TMEM132A: variants seen among roughly 807,000 people sequenced by gnomAD.
The protein encoded by TMEM132A is transmembrane protein 132A, also known as GRP78-binding protein.
Under a neutral mutation model 69.9 loss-of-function variants are expected in TMEM132A, and 48 were observed. The observed-to-expected ratio is 0.69, with a 90% CI of 0.55 to 0.87. The LOEUF (loss-of-function observed/expected upper bound fraction) is 0.87. Ranked by LOEUF, TMEM132A falls within the 40% of genes least tolerant of loss-of-function variation. TMEM132A has a pLI of 0.00. For missense variants in TMEM132A, 1,287 were observed against 1,407.2 expected (o/e 0.91, Z 1.37); for synonymous variants, 577 against 613.7 (o/e 0.94, Z 0.88).
At chr11:60,925,059 C>A (rs547522861) in intron 1 of TMEM132A, 39 of 280,334 alleles carry the variant, frequency 1.4e-4, no homozygotes, top group Non-Finnish European at 2.2e-4. Flanking sequence ...GGCGCACTAG[C>A]GTCATCCCCA....
chr11:60,935,947 G>C lies in TMEM132A; in HGVS notation c.2112G>C (p.Leu704=), dbSNP rs923993461. 4 of 1,611,866 alleles carry C rather than the reference G, an allele frequency of 2.5e-6. No individual in the cohort carries two copies. Among genetic ancestry groups the C allele is most frequent in the Non-Finnish European group, 3.4e-6 (4 of 1,179,978 alleles). Residue 704 remains leucine (L), a synonymous_variant, in exon 11 of 11, where the codon CTG becomes CTC. Coordinates refer to ENST00000453848, the MANE Select transcript of TMEM132A (RefSeq NM_178031.3). The surrounding 1 kb of genome is among the most constrained non-coding windows in gnomAD (Gnocchi z 5.0). The stretch of plus-strand genomic sequence containing the variant: ...TCTACGACCGCCGTGACCTGGGACT[G>C]TCCGTCTCAGCCGAGGAGCCTGGTG... ...AELYDRRDLG[L]SVSAEEPGAI... is the part of the protein sequence containing the mutation.
chr11:60,934,304 G>T, intron 8 of TMEM132A, 184 bp from the exon 9 acceptor site: 1 of 493,870 alleles, frequency 2.0e-6, no homozygotes, highest in Non-Finnish European at 3.3e-6. Context: ...GGAGTGGGCT[G>T]GGGCGGCTCG....
chr11:60,933,592 C>T lies in TMEM132A; in HGVS notation c.1407C>T (p.Gly469=), dbSNP rs757780521. The T allele has an allele frequency of 1.3e-5, 21 of 1,607,496 alleles. No homozygotes were observed. The East Asian group carries it at 1.8e-4, about 14-fold the overall frequency. ...AVFVAGKESR[G]ARGVRVDFWW... is the part of the protein sequence containing the mutation. Reference sequence around the variant, plus strand: ...TCGTGGCTGGCAAGGAGAGCCGGGGCGCCCGGGGGGTGCGAGTGGACTTCT... The same window carrying T: ...TCGTGGCTGGCAAGGAGAGCCGGGGTGCCCGGGGGGTGCGAGTGGACTTCT... The change falls in exon 8 of 11, where the codon GGC becomes GGT. Residue 469 remains glycine, a synonymous_variant. Coordinates refer to ENST00000453848, the MANE Select transcript of TMEM132A (RefSeq NM_178031.3).
At chr11:60,924,992 G>A (rs1856318381) in intron 1 of TMEM132A, among the ~76,000 whole-genome samples, 1 of 152,060 alleles carries the variant, frequency 6.6e-6, no homozygotes, top group Non-Finnish European at 1.5e-5. Flanking sequence ...TCCCCGTCCC[G>A]CACCTTCTGC....
At chr11:60,927,537 A>G (rs1856373402) in intron 2 of TMEM132A, 104 bp from the exon 3 acceptor site, 4 of 1,405,850 alleles carry the variant, frequency 2.8e-6, no homozygotes, top group African/African-American at 1.4e-5. Flanking sequence ...AGAGGGGGAA[A>G]CTGAGGCCCA....
chr11:60,930,559 C>T lies in TMEM132A; in HGVS notation c.916C>T (p.Pro306Ser), dbSNP rs761442358. The stretch of plus-strand genomic sequence containing the variant: ...TGTGACAGCCGCCCGCCCAGCCCAG[C>T]CCACACTCTGGACTGCCAAGCTGGA... ...LHVTAARPAQ[P>S]TLWTAKLDRF... is the part of the protein sequence containing the mutation. Residue 306 changes from proline to serine, a missense_variant, in exon 5 of 11, where the codon CCC becomes TCC. Coordinates refer to ENST00000453848, the MANE Select transcript of TMEM132A (RefSeq NM_178031.3). 18 of 1,612,834 alleles carry T rather than the reference C, an allele frequency of 1.1e-5. No individual in the cohort carries two copies. Among genetic ancestry groups the T allele is most frequent in the Non-Finnish European group, 1.5e-5 (18 of 1,179,592 alleles).
chr11:60,934,337 C>A, intron 8 of TMEM132A, 151 bp from the exon 9 acceptor site: 1 of 711,514 alleles, frequency 1.4e-6, no homozygotes, highest in Non-Finnish European at 2.0e-6. Flanking sequence ...AGGGCCTGAC[C>A]CCAAGAGGGG....
chr11:60,930,208 A>T (rs1856445669), intron 4 of TMEM132A, among the ~76,000 whole-genome samples: 1 of 152,178 alleles, frequency 6.6e-6, no homozygotes, highest in South Asian at 2.1e-4. Context: ...TGAAGCAGAG[A>T]GTGCATGGAG....
chr11:60,930,957 C>A (rs1390148507), intron 5 of TMEM132A, among the ~76,000 whole-genome samples: 2 of 152,178 alleles, frequency 1.3e-5, no homozygotes, highest in Non-Finnish European at 1.5e-5. Flanking sequence ...ACTACTCCAT[C>A]CCCCTGCTTC....
At position 60,924,485 on chromosome 11, in the gene TMEM132A, A is replaced by C; in HGVS notation, c.-149A>C. The C allele has an allele frequency of 1.6e-5, 7 of 428,106 alleles. No individual in the cohort carries two copies. The highest frequency in any genetic ancestry group is 1.9e-5 in the Non-Finnish European group (5 of 260,898). The allele number at this position is 428,106 out of a possible 1,614,324, so 26.5% of individuals were successfully genotyped here. A position where few individuals can be genotyped will look rare whatever the true frequency, so the allele number is the denominator to read the frequency against. ...ACTGCTCCCGCTCCATTGTCTGGGA[A>C]TTGCAGCCGCGGGGCGGGCGGCGGC... On this transcript the variant is annotated 5_prime_UTR_variant, in exon 1 of 11. Coordinates refer to ENST00000453848, the MANE Select transcript of TMEM132A (RefSeq NM_178031.3).
Position 60,933,666 on chromosome 11 carries a change from T to C in TMEM132A, c.1481T>C (p.Leu494Pro). 1 of 1,605,206 alleles carries C rather than the reference T, an allele frequency of 6.2e-7. No homozygotes were observed. The highest frequency in any genetic ancestry group is 8.5e-7 in the Non-Finnish European group (1 of 1,178,626). ...ASLRLTVWAPLLPLRIELTDT... is the reference protein window; with the variant it reads ...ASLRLTVWAPPLPLRIELTDT... ...CTGCGGCTGACCGTGTGGGCCCCCC[T>C]GCTACCGCTGCGTATCGAGCTCACC... Residue 494 changes from leucine (L) to proline (P), a missense_variant, in exon 8 of 11, where the codon CTG (leucine) becomes CCG (proline). Coordinates refer to ENST00000453848, the MANE Select transcript of TMEM132A (RefSeq NM_178031.3).
chr11:60,935,306 G>C lies in TMEM132A; in HGVS notation c.1891G>C (p.Asp631His), dbSNP rs1177597371. Residue 631 changes from aspartate to histidine, a missense_variant, in exon 10 of 11, where the codon GAC (aspartate) becomes CAC (histidine). Physicochemically the swap from Asp to His is moderately conservative, Grantham distance 81. Coordinates refer to ENST00000453848, the MANE Select transcript of TMEM132A (RefSeq NM_178031.3). This position sits in a 1 kb window ranked among gnomAD's most constrained non-coding sequence, Gnocchi z 5.0. ...GGGGGAGCAGGCGCTGGCTGTGACG[G>C]ACGACAAGGTCTCAGTGCTGGAGCT... ...ILGEQALAVT[D>H]DKVSVLELRV... The C allele has an allele frequency of 2.5e-6, 4 of 1,613,018 alleles. No homozygotes were observed. The highest frequency in any genetic ancestry group is 2.5e-6 in the Non-Finnish European group (3 of 1,179,748).
At position 60,935,535 on chromosome 11, in the gene TMEM132A, G is replaced by A. The variant is rs1336558870; in HGVS notation, c.2028+92G>A. The A allele has an allele frequency of 1.1e-5, 15 of 1,341,614 alleles. No individual in the cohort carries two copies. The highest frequency in any genetic ancestry group is 1.4e-5 in the South Asian group (1 of 71,236). 83.1% of individuals were successfully genotyped at this position (1,341,614 alleles called of 1,614,324 possible). A position where few individuals can be genotyped will look rare whatever the true frequency, so the allele number is the denominator to read the frequency against. On this transcript the variant is annotated intron_variant, in intron 10 of 10. Transcript: ENST00000453848. The surrounding 1 kb of genome is among the most constrained non-coding windows in gnomAD (Gnocchi z 5.0). ...TGGGAGGAAGGGACCCTGGTACCTC[G>A]ACCCCTTAGGGTTTTCAGAGTGAGG...
chr11:60,927,070 G>T, intron 1 of TMEM132A, 134 bp from the exon 2 acceptor site: 1 of 761,228 alleles, frequency 1.3e-6, no homozygotes, highest in Non-Finnish European at 2.3e-6. Context: ...GTGAAATGGT[G>T]GTGAGAGGGG....
At chr11:60,927,930 A>G in intron 3 of TMEM132A, 71 bp downstream of exon 3, 5 of 1,380,484 alleles carry the variant, frequency 3.6e-6, no homozygotes, top group Non-Finnish European at 4.9e-6. Flanking sequence ...CCCGCGGCAG[A>G]GAGGAAACCC....
chr11:60,931,611 A>G, intron 5 of TMEM132A, 78 bp from the exon 6 acceptor site: 27 of 1,409,810 alleles, frequency 1.9e-5, no homozygotes, highest in Non-Finnish European at 2.3e-5. Context: ...AATGGGGATA[A>G]TCATGAATGC....
chr11:60,933,013 G>C (rs957181903), intron 7 of TMEM132A: 2 of 152,378 alleles, frequency 1.3e-5, no homozygotes, highest in African/African-American at 4.8e-5. Flanking sequence ...CTGAGCCCCA[G>C]GGAACCTCAA....
Position 60,936,720 on chromosome 11 carries a change from GA to G in TMEM132A, c.2886del (p.Val963Ter). 1 of 1,590,090 alleles carries G rather than the reference GA, an allele frequency of 6.3e-7. No individual in the cohort carries two copies. The highest frequency in any genetic ancestry group is 8.6e-7 in the Non-Finnish European group (1 of 1,168,640). ...ARKEAGGRRK[R>X]VEFVTFAPAP... ...AAGGAGGCTGGGGGGCGGCGGAAGCGAGTAGAGTTTGTGACATTTGCGCCAG... is the reference window on the plus strand; with the variant it reads ...AAGGAGGCTGGGGGGCGGCGGAAGCGGTAGAGTTTGTGACATTTGCGCCAG... On this transcript the variant is annotated frameshift_variant, in exon 11 of 11. Coordinates refer to ENST00000453848, the MANE Select transcript of TMEM132A (RefSeq NM_178031.3). LOFTEE classifies it high-confidence loss of function.
chr11:60,924,500 CG>C lies in TMEM132A; in HGVS notation c.-131del. 1 of 476,524 alleles carries C rather than the reference CG, an allele frequency of 2.1e-6. No individual in the cohort carries two copies. The highest frequency in any genetic ancestry group is 3.3e-6 in the Non-Finnish European group (1 of 304,002). 29.5% of individuals were successfully genotyped at this position (476,524 alleles called of 1,614,324 possible). ...TTGTCTGGGAATTGCAGCCGCGGGG[CG>C]GGCGGCGGCGGCGGCGGCGGCGGCC... On this transcript the variant is annotated 5_prime_UTR_variant, in exon 1 of 11. Transcript: ENST00000453848.
Sources: gnomAD v4.1 joint callset for allele counts (sites outside exome capture counted in the v4.1 genomes callset) on GRCh38, gnomAD v4.1.1 for gene constraint, Gnocchi (gnomAD v3.1) non-coding constraint, MANE v1.5 for transcripts, NCBI Gene and HGNC (gene_info 2026-07-23, HGNC 2026-07-21) for gene names.